PTPN21: variants seen among roughly 807,000 people sequenced by gnomAD.
PTPN21 encodes tyrosine-protein phosphatase non-receptor type 21.
Under a neutral mutation model 131.8 loss-of-function variants are expected in PTPN21, and 77 were observed. The ratio of observed to expected loss-of-function variants is 0.58; its 90% confidence interval spans 0.49 to 0.71. The LOEUF (loss-of-function observed/expected upper bound fraction) is 0.71. Among genes scored for constraint, PTPN21 ranks in the 30% least tolerant of loss-of-function variants. The pLI is 0.00. For synonymous variants in PTPN21, 715 were observed against 621.3 expected (o/e 1.15, Z -2.24); for missense variants, 1,552 against 1,527.1 (o/e 1.02, Z -0.27).
chr14:88,549,220 A>C (rs1566856920), intron 2 of PTPN21, among the ~76,000 whole-genome samples: 1 of 152,180 alleles, frequency 6.6e-6, no homozygotes, highest in Non-Finnish European at 1.5e-5. Flanking sequence ...TTTGAGACCA[A>C]CCTGGGCAAC....
chr14:88,528,640 T>A (rs2078513578), intron 2 of PTPN21, among the ~76,000 whole-genome samples: 1 of 152,032 alleles, frequency 6.6e-6, no homozygotes, highest in African/African-American at 2.4e-5. Flanking sequence ...ATAAGTCTCA[T>A]GAGATCTGAT....
At chr14:88,536,202 C>A (rs2078629010) in intron 2 of PTPN21, among the ~76,000 whole-genome samples, 2 of 152,260 alleles carry the variant, frequency 1.3e-5, no homozygotes, top group Non-Finnish European at 2.9e-5. Context: ...GTGAAACTTT[C>A]ATTGTCAGGT....
At chr14:88,545,275 C>T (rs910734820) in intron 2 of PTPN21, among the ~76,000 whole-genome samples, 6 of 152,216 alleles carry the variant, frequency 3.9e-5, no homozygotes, top group African/African-American at 1.4e-4. Flanking sequence ...ATACCTGGGA[C>T]CCTTGGCAGT....
intron 10 of PTPN21, among the ~76,000 whole-genome samples, chr14:88,490,095 A>AGGGAG (rs2077800819): frequency 6.7e-6 from 1 of 148,818 alleles, no homozygotes; most frequent in Non-Finnish European, 1.5e-5. Flanking sequence ...TGCAACCTCC[A>AGGGAG]CCTCCCAGGC....
chr14:88,484,152 A>G (rs945098517), intron 12 of PTPN21, among the ~76,000 whole-genome samples: 1 of 151,610 alleles, frequency 6.6e-6, no homozygotes, highest in Non-Finnish European at 1.5e-5. Context: ...GGCTTAAGCA[A>G]TCCTCCTACC....
At chr14:88,553,275 TC>T (rs1023963461) in intron 1 of PTPN21, among the ~76,000 whole-genome samples, 1 of 152,168 alleles carries the variant, frequency 6.6e-6, no homozygotes, top group Non-Finnish European at 1.5e-5. Flanking sequence ...ACATGGTGCA[TC>T]CCCCCAAGAT....
intron 2 of PTPN21, among the ~76,000 whole-genome samples, chr14:88,540,316 C>G (rs1245973235): frequency 6.6e-6 from 1 of 152,200 alleles, no homozygotes; most frequent in African/African-American, 2.4e-5. Context: ...TGATTATACA[C>G]AGGGTTACAC....
rs187357285 is a variant in PTPN21, at chr14:88,503,655, C to T, written c.587+770G>A. 9.5e-4 allele frequency among the ~76,000 whole-genome samples: 145 copies of T among 152,250 alleles called. 2 individuals carry two copies. Among genetic ancestry groups the T allele is most frequent in the African/African-American group, 3.3e-3 (137 of 41,556 alleles). On this transcript the variant is annotated intron_variant, in intron 6 of 18. Transcript: ENST00000556564. ...ATGATTTTGCCCAACCGTATGCTAA[C>T]ATAAGTGTTCTGAGAACACGTAGGG...
At chr14:88,518,386 G>GTGTGTGTA (rs1259300832) in intron 2 of PTPN21, among the ~76,000 whole-genome samples, 2 of 9,706 alleles carry the variant, frequency 2.1e-4, no homozygotes, top group African/African-American at 4.8e-4. Flanking sequence ...GTGTGTGTGT[G>GTGTGTGTA]TATATATATA....
At chr14:88,511,585 C>T (rs1246786136) in intron 3 of PTPN21, among the ~76,000 whole-genome samples, 1 of 152,136 alleles carries the variant, frequency 6.6e-6, no homozygotes, top group Non-Finnish European at 1.5e-5. Flanking sequence ...GGCAGAATTG[C>T]TTGAACCCAG....
At chr14:88,549,987 T>C (rs979988387) in intron 2 of PTPN21, among the ~76,000 whole-genome samples, 4 of 152,108 alleles carry the variant, frequency 2.6e-5, no homozygotes, top group Non-Finnish European at 5.9e-5. Context: ...GGTTTCACCA[T>C]ATTGGCCAGG....
At chr14:88,476,594 G>C (rs1261016700) in intron 13 of PTPN21, among the ~76,000 whole-genome samples, 1 of 152,170 alleles carries the variant, frequency 6.6e-6, no homozygotes. Flanking sequence ...CACGAAGCAG[G>C]CAGCGAAGGG....
Position 88,504,510 on chromosome 14 carries a change from C to T in PTPN21, c.517-15G>A, listed in dbSNP as rs1487523141. 2.5e-5 allele frequency: 40 copies of T among 1,601,882 alleles called. No individual in the cohort carries two copies. The highest frequency in any genetic ancestry group is 3.4e-5 in the Non-Finnish European group (40 of 1,169,132). On this transcript the variant is annotated splice_polypyrimidine_tract_variant and intron_variant, in intron 5 of 18. Transcript: ENST00000556564. ...TGTAACCATCCCTGAAGAAAACACACAGTGGTAAGTATGTGACAATTCACC... is the reference window on the plus strand; with the variant it reads ...TGTAACCATCCCTGAAGAAAACACATAGTGGTAAGTATGTGACAATTCACC...
In PTPN21 at chr14:88,479,043, C is replaced by T. The variant is rs2079216661; in HGVS notation, c.2388G>A (p.Met796Ile). ...PWRDGLLMPS[M>I]SESDLTTSGR... ...CTGACGTGGTGAGGTCGGACTCCGA[C>T]ATGGAGGGCATCAGCAGCCCGTCTC... Residue 796 changes from methionine to isoleucine, a missense_variant, in exon 13 of 19, where the codon ATG becomes ATA. By Grantham distance (10) the Met-to-Ile change is conservative (BLOSUM62 1). Coordinates refer to ENST00000556564, the MANE Select transcript of PTPN21 (RefSeq NM_007039.4). The T allele has an allele frequency of 6.2e-7, 1 of 1,607,370 alleles. No individual in the cohort carries two copies. Among genetic ancestry groups the T allele is most frequent in the South Asian group, 1.1e-5 (1 of 90,372 alleles).
chr14:88,485,105 T>C lies in PTPN21; in HGVS notation c.1049A>G (p.His350Arg), dbSNP rs369362269. Residue 350 changes from histidine (H) to arginine (R), a missense_variant, in exon 12 of 19, where the codon CAT becomes CGT. Coordinates refer to ENST00000556564, the MANE Select transcript of PTPN21 (RefSeq NM_007039.4). ...PPPPQLHYNG[H>R]YTEPYASSQD... ...GGAAGAAGCATATGGTTCTGTATAATGTCCATTATAGTGCAACTGCGGTGG... is the reference window on the plus strand; with the variant it reads ...GGAAGAAGCATATGGTTCTGTATAACGTCCATTATAGTGCAACTGCGGTGG... 8 of 1,608,098 alleles carry C rather than the reference T, an allele frequency of 5.0e-6. No homozygotes were observed. Among genetic ancestry groups the C allele is most frequent in the Admixed American group, 1.7e-5 (1 of 59,846 alleles).
At chr14:88,493,678 C>T (rs2077859833) in intron 10 of PTPN21, among the ~76,000 whole-genome samples, 1 of 152,184 alleles carries the variant, frequency 6.6e-6, no homozygotes, top group African/African-American at 2.4e-5. Flanking sequence ...GGAGGGAGCT[C>T]CAGGAGGTGC....
At chr14:88,497,341 C>G in intron 8 of PTPN21, 51 bp from the exon 9 acceptor site, 1 of 1,407,288 alleles carries the variant, frequency 7.1e-7, no homozygotes, top group Non-Finnish European at 1.0e-6. Context: ...ATGGGGGAAA[C>G]AAGGAGATAG....
At position 88,479,642 on chromosome 14, in the gene PTPN21, G is replaced by A. The variant is rs775626730; in HGVS notation, c.1789C>T (p.Arg597Trp). The change falls in exon 13 of 19, where the codon CGG becomes TGG. Residue 597 changes from arginine (R) to tryptophan (W), a missense_variant. This residue lies in a region of PTPN21 where 1,016 missense variants were observed against 883.5 expected (regional missense o/e 1.15). Transcript: ENST00000556564. ...GTTTGCACCGAGTGGTGCACGCGCC[G>A]CGTGATGAGGTCGGGGTTGCTGCTG... The part of the protein sequence containing the change: ...ISSSNPDLIT[R>W]RVHHSVQTFQ... 2.6e-6 allele frequency: 4 copies of A among 1,558,564 alleles called. No individual in the cohort carries two copies. Among genetic ancestry groups the A allele is most frequent in the East Asian group, 4.5e-5 (2 of 44,214 alleles).
intron 2 of PTPN21, among the ~76,000 whole-genome samples, chr14:88,549,448 C>G (rs907236062): frequency 6.6e-6 from 1 of 152,104 alleles, no homozygotes; most frequent in Non-Finnish European, 1.5e-5. Context: ...TAGGGCACCC[C>G]AAGGGGAGAC....
Sources: gnomAD v4.1 joint callset for allele counts (sites outside exome capture counted in the v4.1 genomes callset) on GRCh38, gnomAD v4.1.1 for gene constraint, gnomAD v4.1.1 regional missense constraint, MANE v1.5 for transcripts, NCBI Gene and HGNC (gene_info 2026-07-23, HGNC 2026-07-21) for gene names.